ZNF729: variants seen among roughly 807,000 people sequenced by gnomAD.
ZNF729 encodes zinc finger protein 729.
Under a neutral mutation model 12.2 loss-of-function variants are expected in ZNF729, and 15 were observed. The observed-to-expected ratio is 1.23, with a 90% CI of 0.82 to 1.89. ZNF729 has a LOEUF of 1.89. ZNF729 is among the 40% of genes most tolerant of loss of function. The probability of loss-of-function intolerance (pLI) is 0.00; values close to 1 mark genes in which losing one functional copy is unlikely to be tolerated. For missense variants in ZNF729, 1,540 were observed against 1,456.7 expected, an observed-to-expected ratio of 1.06 and a Z score of -0.93; for synonymous variants, 492 against 476.3, an observed-to-expected ratio of 1.03 and a Z score of -0.43.
intron 1 of ZNF729, among the ~76,000 whole-genome samples, chr19:22,301,864 T>TTACCCA (rs1968310489): frequency 6.6e-6 from 1 of 152,310 alleles, no homozygotes; most frequent in Non-Finnish European, 1.5e-5. Flanking sequence ...ACCCAAGAGC[T>TTACCCA]AGCAAATCAG....
At chr19:22,299,562 T>C (rs1968277939) in intron 1 of ZNF729, 1 of 151,654 alleles carries the variant, frequency 6.6e-6, no homozygotes, top group Non-Finnish European at 1.5e-5. Context: ...GCATTTAACT[T>C]TTTTTTTTCT....
At chr19:22,311,538 C>T (rs1968449751) in intron 3 of ZNF729, among the ~76,000 whole-genome samples, 1 of 151,910 alleles carries the variant, frequency 6.6e-6, no homozygotes, top group Non-Finnish European at 1.5e-5. Context: ...ACTTTTATTC[C>T]ACTGTGGTCT....
In ZNF729 at chr19:22,316,422, A is replaced by G. The variant is rs1599760281; in HGVS notation, c.3005A>G (p.Asn1002Ser). The G allele has an allele frequency of 6.2e-7, 1 of 1,613,518 alleles. No homozygotes were observed. ...TGCGAAGAATGTGGCAAAGATTTTA[A>G]CAATTCCTCAACCCTTAAGAAACAT... Reference protein sequence around the residue: ...YKCEECGKDFNNSSTLKKHKL... With the variant: ...YKCEECGKDFSNSSTLKKHKL... Residue 1002 changes from asparagine (N) to serine (S), a missense_variant, in exon 4 of 4, where the codon AAC (asparagine) becomes AGC (serine). Physicochemically the swap from Asn to Ser is conservative, Grantham distance 46. Coordinates refer to ENST00000601693, the MANE Select transcript of ZNF729 (RefSeq NM_001242680.2).
chr19:22,298,558 G>T (rs146382242), intron 1 of ZNF729, among the ~76,000 whole-genome samples: 4 of 152,102 alleles, frequency 2.6e-5, no homozygotes, highest in African/African-American at 9.7e-5. Flanking sequence ...TTGTCACCCC[G>T]GCTGGAGTGC....
intron 1 of ZNF729, among the ~76,000 whole-genome samples, chr19:22,289,133 G>A (rs182756674): frequency 6.6e-6 from 1 of 152,062 alleles, no homozygotes; most frequent in Admixed American, 6.6e-5. Context: ...TGTTAGTAGG[G>A]ATTGAAAGAA....
chr19:22,286,627 G>A (rs2099304753), intron 1 of ZNF729, 72 bp downstream of exon 1: 1 of 1,592,388 alleles, frequency 6.3e-7, no homozygotes. Flanking sequence ...TGGCTGTGGC[G>A]GGACTCCGGC....
intron 3 of ZNF729, among the ~76,000 whole-genome samples, chr19:22,312,905 G>A (rs1233751073): frequency 2.0e-5 from 3 of 151,976 alleles, no homozygotes; most frequent in African/African-American, 7.3e-5. Flanking sequence ...TAGAGATGGG[G>A]TTTCTCCATG....
chr19:22,295,635 C>CAA (rs1968221032), intron 1 of ZNF729, among the ~76,000 whole-genome samples: 3 of 152,016 alleles, frequency 2.0e-5, no homozygotes, highest in Non-Finnish European at 4.4e-5. Flanking sequence ...CTCCTGACCT[C>CAA]GTGATCCGCC....
intron 3 of ZNF729, among the ~76,000 whole-genome samples, chr19:22,308,969 A>T (rs1968418038): frequency 6.6e-6 from 1 of 152,194 alleles, no homozygotes; most frequent in African/African-American, 2.4e-5. Context: ...TTGTATATGA[A>T]ATCCTTGGCT....
chr19:22,309,220 G>A (rs956056741), intron 3 of ZNF729, among the ~76,000 whole-genome samples: 1 of 152,146 alleles, frequency 6.6e-6, no homozygotes, highest in African/African-American at 2.4e-5. Context: ...GCTGACATAG[G>A]TGGATCACGA....
chr19:22,308,082 C>T (rs1443059941), intron 3 of ZNF729, among the ~76,000 whole-genome samples: 1 of 152,102 alleles, frequency 6.6e-6, no homozygotes, highest in Non-Finnish European at 1.5e-5. Context: ...ATCCTCATAG[C>T]TTAGCTCCTA....
intron 3 of ZNF729, among the ~76,000 whole-genome samples, chr19:22,305,395 T>G (rs1434446249): frequency 6.6e-6 from 1 of 152,196 alleles, no homozygotes; most frequent in Non-Finnish European, 1.5e-5. Flanking sequence ...TTACATGAAT[T>G]TTCTATTTTT....
At chr19:22,301,389 T>C (rs113818015) in intron 1 of ZNF729, among the ~76,000 whole-genome samples, 2,518 of 152,264 alleles carry the variant, frequency 0.017, 84 homozygotes, top group African/African-American at 0.058. Context: ...TCGTTTTAGG[T>C]AGACATATTT....
rs1204503321 is a variant in ZNF729 at position 22,291,344 on chromosome 19, AC to A, written c.30+4794del. Among the ~76,000 whole-genome samples, 4 of 151,554 alleles carry A rather than the reference AC, an allele frequency of 2.6e-5. No individual in the cohort carries two copies. In the East Asian group the frequency reaches 7.7e-4, roughly 29 times the overall value. ...TAGAGTAAAAAAGTTCTGATAACAGACCCCCTTTTTCCACTGCTGCCACCAC... is the reference window on the plus strand; with the variant it reads ...TAGAGTAAAAAAGTTCTGATAACAGACCCCTTTTTCCACTGCTGCCACCAC... On this transcript the variant is annotated intron_variant, in intron 1 of 3. Coordinates refer to ENST00000601693, the MANE Select transcript of ZNF729 (RefSeq NM_001242680.2).
At chr19:22,289,797 A>G (rs1968129821) in intron 1 of ZNF729, among the ~76,000 whole-genome samples, 1 of 152,172 alleles carries the variant, frequency 6.6e-6, no homozygotes, top group Non-Finnish European at 1.5e-5. Context: ...TCTCTATTCT[A>G]TATCCTGTTA....
rs748943577 is a variant in ZNF729 at position 22,314,119 on chromosome 19, A to C, written c.702A>C (p.Lys234Asn). The C allele has an allele frequency of 1.3e-6, 2 of 1,551,266 alleles. No individual in the cohort carries two copies. The highest frequency in any genetic ancestry group is 2.4e-5 in the East Asian group (1 of 41,164). ...ATAAGATAATTCATACTGAAGACAA[A>C]CCTTACAAATATAAGAAATGTGGCA... Reference protein sequence around the residue: ...TKHKIIHTEDKPYKYKKCGNA... With the variant: ...TKHKIIHTEDNPYKYKKCGNA... Residue 234 changes from lysine to asparagine, a missense_variant, in exon 4 of 4, where the codon AAA (lysine) becomes AAC (asparagine). Coordinates refer to ENST00000601693, the MANE Select transcript of ZNF729 (RefSeq NM_001242680.2).
intron 3 of ZNF729, among the ~76,000 whole-genome samples, chr19:22,305,914 T>A (rs1433438645): frequency 1.3e-5 from 2 of 152,102 alleles, no homozygotes; most frequent in African/African-American, 4.8e-5. Flanking sequence ...GATAATCCTC[T>A]AGTTTCAACC....
Position 22,314,734 on chromosome 19 carries a change from A to C in ZNF729, c.1317A>C (p.Lys439Asn). The change falls in exon 4 of 4, where the codon AAA becomes AAC. Residue 439 changes from lysine to asparagine, a missense_variant. By Grantham distance (94) the Lys-to-Asn change is moderately conservative. Coordinates refer to ENST00000601693, the MANE Select transcript of ZNF729 (RefSeq NM_001242680.2). ...CCTACAAATGTGAAGAATGTGGCAA[A>C]GCTTTTAACAGTTCCTCAACCCTTA... Reference protein sequence around the residue: ...KKPYKCEECGKAFNSSSTLMK... With the variant: ...KKPYKCEECGNAFNSSSTLMK... 4.3e-6 allele frequency: 7 copies of C among 1,613,592 alleles called. No homozygotes were observed. Among genetic ancestry groups the C allele is most frequent in the Non-Finnish European group, 5.9e-6 (7 of 1,179,902 alleles).
intron 1 of ZNF729, among the ~76,000 whole-genome samples, chr19:22,302,330 A>G (rs982517921): frequency 2.0e-5 from 3 of 152,312 alleles, no homozygotes; most frequent in Admixed American, 6.5e-5. Context: ...AACTGGGTAC[A>G]TGGTTGAATT....
Sources: allele counts gnomAD v4.1 joint callset (sites outside exome capture counted in the v4.1 genomes callset), GRCh38; gene constraint gnomAD v4.1.1; transcripts MANE v1.5; gene names NCBI Gene and HGNC (gene_info 2026-07-23, HGNC 2026-07-21).